SASH1: variants seen among roughly 807,000 people sequenced by gnomAD.
The protein encoded by SASH1 is SAM and SH3 domain containing 1, also known as SAM and SH3 domain-containing protein 1.
A neutral mutation model predicts 125.2 loss-of-function variants in SASH1; 44 were observed. That is an observed-to-expected ratio of 0.35 (90% CI 0.28 to 0.45). The LOEUF (loss-of-function observed/expected upper bound fraction) is 0.45. Among genes scored for constraint, SASH1 ranks in the 20% least tolerant of loss-of-function variants. The pLI, the probability that SASH1 is intolerant of heterozygous loss-of-function variation, is 1.00. For synonymous variants in SASH1, 639 were observed against 649.1 expected (o/e 0.98, Z 0.24); for missense variants, 1,426 against 1,614.5 (o/e 0.88, Z 2.00).
rs1014824473 is a variant in SASH1 at position 148,468,468 on chromosome 6, C to T, written c.387-77C>T. 7 of 1,101,276 alleles carry T rather than the reference C, an allele frequency of 6.4e-6. No individual in the cohort carries two copies. In the East Asian group the frequency reaches 1.7e-4, roughly 26 times the overall value. 68.2% of individuals were successfully genotyped at this position (1,101,276 alleles called of 1,614,324 possible). On this transcript the variant is annotated intron_variant, in intron 4 of 19. Transcript: ENST00000367467. ...GTATTAAGTAGTATTGATGCTGGGT[C>T]AAACTAGTTAGGAGGATTTTCAGTT...
chr6:148,356,718 G>A (rs565420652), intron 1 of SASH1, among the ~76,000 whole-genome samples: 21 of 152,242 alleles, frequency 1.4e-4, no homozygotes, highest in Admixed American at 5.9e-4. Flanking sequence ...GCCTCCCAAA[G>A]TGCTAGGATT....
At chr6:148,317,004 T>C (rs1780494576) in intron 1 of SASH1, among the ~76,000 whole-genome samples, 2 of 152,200 alleles carry the variant, frequency 1.3e-5, no homozygotes, top group Non-Finnish European at 2.9e-5. Context: ...ACATGGCACC[T>C]GGCTGACTTT....
chr6:148,341,505 T>C (rs1275167967), upstream of SASH1, among the ~76,000 whole-genome samples: 1 of 152,110 alleles, frequency 6.6e-6, no homozygotes, highest in Non-Finnish European at 1.5e-5. Flanking sequence ...ATTGTGTTTA[T>C]AAATTTAGTT....
intron 1 of SASH1, among the ~76,000 whole-genome samples, chr6:148,387,494 CTCTT>C (rs201786868): frequency 0.035 from 5,201 of 148,522 alleles, 196 homozygotes; most frequent in South Asian, 0.14. Flanking sequence ...CTTCCCTTCT[CTCTT>C]CTCTCTCTTT....
intron 2 of SASH1, among the ~76,000 whole-genome samples, chr6:148,390,644 CG>C (rs1783666789): frequency 6.6e-6 from 1 of 151,910 alleles, no homozygotes; most frequent in Admixed American, 6.6e-5. Context: ...AAAAATTAGC[CG>C]GGCGTGGTGA....
At chr6:148,426,125 C>A (rs1254001935) in intron 2 of SASH1, among the ~76,000 whole-genome samples, 1 of 152,102 alleles carries the variant, frequency 6.6e-6, no homozygotes, top group African/African-American at 2.4e-5. Context: ...AGCAGAATGG[C>A]TTGAACCTGG....
At chr6:148,439,510 G>A (rs55694900) in intron 2 of SASH1, among the ~76,000 whole-genome samples, 3,938 of 152,270 alleles carry the variant, frequency 0.026, 171 homozygotes, top group African/African-American at 0.089. Context: ...TGGGCGCGGT[G>A]GCTCATGCCT....
At chr6:148,332,609 G>A (rs1374176976) in intron 1 of SASH1, among the ~76,000 whole-genome samples, 2 of 150,698 alleles carry the variant, frequency 1.3e-5, no homozygotes, top group African/African-American at 4.9e-5. Flanking sequence ...AAAAAAAAAG[G>A]ATACAACCAA....
rs370740325 is a variant in SASH1 at position 148,539,067 on chromosome 6, C to G, written c.2096-1376C>G. ...CCACGTGATTTACTTGGGGCAGATTCACTCAACAGAAGCGTCCGATGCTGC... is the reference window on the plus strand; with the variant it reads ...CCACGTGATTTACTTGGGGCAGATTGACTCAACAGAAGCGTCCGATGCTGC... On this transcript the variant is annotated intron_variant, in intron 16 of 19. Transcript: ENST00000367467. 2.7e-3 allele frequency among the ~76,000 whole-genome samples: 411 copies of G among 150,432 alleles called. 2 individuals carry two copies. The highest frequency in any genetic ancestry group is 9.4e-3 in the African/African-American group (387 of 41,066).
intron 1 of SASH1, among the ~76,000 whole-genome samples, chr6:148,386,678 G>A (rs1332785556): frequency 2.6e-5 from 4 of 152,170 alleles, no homozygotes; most frequent in African/African-American, 9.7e-5. Context: ...ACAGCATCAC[G>A]TTCCTGAGAC....
At chr6:148,368,768 G>GTGCGCA (rs71797719) in intron 1 of SASH1, among the ~76,000 whole-genome samples, 5,452 of 70,146 alleles carry the variant, frequency 0.078, 241 homozygotes, top group South Asian at 0.26. Flanking sequence ...GCGCACGCGC[G>GTGCGCA]CGCACACACA....
At chr6:148,470,429 G>C (rs1032837760) in intron 5 of SASH1, among the ~76,000 whole-genome samples, 2 of 152,200 alleles carry the variant, frequency 1.3e-5, no homozygotes, top group African/African-American at 4.8e-5. Context: ...GGAGCAACCA[G>C]ACAGACAACA....
rs1385308840 is a variant in SASH1 at position 148,443,299 on chromosome 6, T to C, written c.386+2892T>C. Among the ~76,000 whole-genome samples the C allele has an allele frequency of 2.6e-5, 4 of 151,564 alleles. No individual in the cohort carries two copies. In the East Asian group the frequency reaches 7.7e-4, roughly 29 times the overall value. ...AGGGTTTATTTGTTTTTGTGTTTTT[T>C]TGCGCCACAGTGCATTATATCGGGG... On this transcript the variant is annotated intron_variant, in intron 4 of 19. Coordinates refer to ENST00000367467, the MANE Select transcript of SASH1 (RefSeq NM_015278.5).
rs367958082 is a variant in SASH1 at position 148,278,638 on chromosome 6, A to C, written n.74+6261A>C. ...TAGAACAAGGCACTTTCAAGTATAC[A>C]AAACAATCCCATCATTAGAAAAAAG... On this transcript the variant is annotated intron_variant and non_coding_transcript_variant, in intron 1 of 3. Coordinates refer to the SASH1 transcript ENST00000367469. 48 of 152,330 alleles carry C rather than the reference A, an allele frequency of 3.2e-4. 1 individual carries two copies. The East Asian group carries it at 5.4e-3, about 17-fold the overall frequency. 9.4% of individuals were successfully genotyped at this position (152,330 alleles called of 1,614,324 possible).
intron 1 of SASH1, among the ~76,000 whole-genome samples, chr6:148,360,077 T>TACAA (rs1782131409): frequency 1.3e-5 from 2 of 151,734 alleles, no homozygotes; most frequent in Admixed American, 6.6e-5. Flanking sequence ...TTTCTTTCTT[T>TACAA]ACAAACCAAA....
chr6:148,519,334 AAAG>A lies in SASH1; in HGVS notation c.863-204_863-202del, dbSNP rs1260266562. ...AGGTGTTAGGTCTACAAAGATATTT[AAAG>A]AAGAAGAAAACACATCTGAATCCTT... On this transcript the variant is annotated intron_variant, in intron 9 of 19. Coordinates refer to ENST00000367467, the MANE Select transcript of SASH1 (RefSeq NM_015278.5). This position sits in a 1 kb window ranked among gnomAD's most constrained non-coding sequence, Gnocchi z 4.8. Among the ~76,000 whole-genome samples the A allele has an allele frequency of 3.9e-5, 6 of 152,374 alleles. No individual in the cohort carries two copies. Among genetic ancestry groups the A allele is most frequent in the Non-Finnish European group, 5.9e-5 (4 of 68,040 alleles).
chr6:148,203,308 T>G, the SASH1 span, among the ~76,000 whole-genome samples: 1 of 152,302 alleles, frequency 6.6e-6, no homozygotes, highest in East Asian at 1.9e-4. Flanking sequence ...GGAGGGACAG[T>G]GATTTTCCCC....
intron 12 of SASH1, among the ~76,000 whole-genome samples, chr6:148,528,145 G>T (rs976501116): frequency 6.6e-6 from 1 of 152,120 alleles, no homozygotes; most frequent in East Asian, 1.9e-4. Flanking sequence ...CTTATCTGTA[G>T]CCATGAAGGA....
chr6:148,274,419 A>C (rs1228557191), intron 1 of SASH1, among the ~76,000 whole-genome samples: 1 of 152,186 alleles, frequency 6.6e-6, no homozygotes, highest in Non-Finnish European at 1.5e-5. Context: ...CAGTTCTTTA[A>C]AGAGGGAAGG....
Sources: gnomAD v4.1 joint callset for allele counts (sites outside exome capture counted in the v4.1 genomes callset) on GRCh38, gnomAD v4.1.1 for gene constraint, Gnocchi (gnomAD v3.1) non-coding constraint, MANE v1.5 for transcripts, NCBI Gene and HGNC (gene_info 2026-07-23, HGNC 2026-07-21) for gene names.